The following CNTN4 variants were observed in gnomAD, a reference collection of about 807,000 sequenced individuals.
The protein encoded by CNTN4 is contactin 4, also known as contactin-4.
CNTN4 carries 77 observed loss-of-function variants against 122.5 expected under a neutral mutation model. The observed-to-expected ratio is 0.63, with a 90% CI of 0.52 to 0.76. CNTN4 has a LOEUF of 0.76. Ranked by LOEUF, CNTN4 falls within the 30% of genes least tolerant of loss-of-function variation. The pLI, the probability that CNTN4 is intolerant of heterozygous loss-of-function variation, is 0.00. For missense variants in CNTN4, 1,256 were observed against 1,259.1 expected (o/e 1.00, Z 0.04); for synonymous variants, 512 against 447.0 (o/e 1.15, Z -1.83).
chr3:2,279,670 T>C (rs1409874943), intron 2 of CNTN4, among the ~76,000 whole-genome samples: 1 of 152,266 alleles, frequency 6.6e-6, no homozygotes, highest in South Asian at 2.1e-4. Context: ...TTGCCTGTTT[T>C]TGTAACCCAA....
intron 2 of CNTN4, among the ~76,000 whole-genome samples, chr3:2,176,155 C>G (rs1037614705): frequency 1.3e-5 from 2 of 152,268 alleles, no homozygotes; most frequent in African/African-American, 2.4e-5. Context: ...CATGCATTAA[C>G]TATGTAGCCA....
chr3:3,002,482 T>C (rs900752706), intron 14 of CNTN4, among the ~76,000 whole-genome samples: 3 of 152,188 alleles, frequency 2.0e-5, no homozygotes, highest in Non-Finnish European at 2.9e-5. Flanking sequence ...GGTAACATCC[T>C]GAGTTATAAG....
At chr3:2,799,029 A>G (rs1576836424) in intron 6 of CNTN4, among the ~76,000 whole-genome samples, 1 of 152,336 alleles carries the variant, frequency 6.6e-6, no homozygotes, top group African/African-American at 2.4e-5. Context: ...CATAGTAGTC[A>G]TTCTGACTGG....
chr3:2,939,289 T>C (rs927108984), intron 13 of CNTN4, among the ~76,000 whole-genome samples: 2 of 152,096 alleles, frequency 1.3e-5, no homozygotes, highest in Non-Finnish European at 2.9e-5. Flanking sequence ...AGAGGGTACA[T>C]ATAGTAGAAT....
intron 2 of CNTN4, among the ~76,000 whole-genome samples, chr3:2,152,331 C>T (rs2035528899): frequency 6.6e-6 from 1 of 152,198 alleles, no homozygotes; most frequent in Non-Finnish European, 1.5e-5. Flanking sequence ...GAGGTGGCAT[C>T]AGGCCAGTCT....
intron 2 of CNTN4, among the ~76,000 whole-genome samples, chr3:2,225,929 A>C (rs2149517406): frequency 6.6e-6 from 1 of 152,292 alleles, no homozygotes; most frequent in African/African-American, 2.4e-5. Flanking sequence ...TGGATTCTGC[A>C]CTATAGCTTT....
chr3:2,669,985 C>A (rs2084407197), intron 4 of CNTN4, among the ~76,000 whole-genome samples: 1 of 152,168 alleles, frequency 6.6e-6, no homozygotes, highest in Admixed American at 6.5e-5. Flanking sequence ...TGTTCTTTTA[C>A]ATTTGCTGAG....
intron 13 of CNTN4, among the ~76,000 whole-genome samples, chr3:2,932,035 G>A (rs556239674): frequency 5.9e-5 from 9 of 151,634 alleles, no homozygotes; most frequent in African/African-American, 1.2e-4. Context: ...CTGCATGTGC[G>A]TGCATGTGTG....
intron 7 of CNTN4, among the ~76,000 whole-genome samples, chr3:2,828,352 G>C (rs1367798151): frequency 6.6e-6 from 1 of 152,112 alleles, no homozygotes. Flanking sequence ...AGCCACAGGT[G>C]TCCAGTAGGT....
At chr3:2,716,318 A>G (rs1190321427) in intron 4 of CNTN4, among the ~76,000 whole-genome samples, 9 of 151,290 alleles carry the variant, frequency 5.9e-5, no homozygotes, top group Non-Finnish European at 1.0e-4. Flanking sequence ...ATTATTGTAT[A>G]TTATATGATA....
intron 3 of CNTN4, among the ~76,000 whole-genome samples, chr3:2,353,991 A>G (rs1034276278): frequency 6.6e-6 from 1 of 152,214 alleles, no homozygotes; most frequent in African/African-American, 2.4e-5. Context: ...TAGAGCACAT[A>G]TGAAATACTA....
At chr3:2,400,426 T>TATATAC (rs1399892591) in intron 3 of CNTN4, among the ~76,000 whole-genome samples, 1 of 71,248 alleles carries the variant, frequency 1.4e-5, no homozygotes, top group African/African-American at 4.7e-5. Context: ...TATATATATA[T>TATATAC]ACATATATAT....
At chr3:2,361,977 G>T (rs2150551847) in intron 3 of CNTN4, among the ~76,000 whole-genome samples, 1 of 152,300 alleles carries the variant, frequency 6.6e-6, no homozygotes, top group Non-Finnish European at 1.5e-5. Flanking sequence ...AGAAAGACCT[G>T]AGTTGGAGGG....
chr3:2,283,595 G>A (rs1329866918), intron 2 of CNTN4, among the ~76,000 whole-genome samples: 2 of 152,132 alleles, frequency 1.3e-5, no homozygotes. Context: ...CATAAGAGAG[G>A]TTCCCTTTAA....
intron 3 of CNTN4, among the ~76,000 whole-genome samples, chr3:2,467,498 C>T (rs2075545024): frequency 6.6e-6 from 1 of 152,084 alleles, no homozygotes; most frequent in East Asian, 1.9e-4. Flanking sequence ...AGACATGAGC[C>T]TGTATCTCAG....
chr3:2,564,464 A>G (rs2079075368), intron 3 of CNTN4, among the ~76,000 whole-genome samples: 1 of 152,184 alleles, frequency 6.6e-6, no homozygotes, highest in Admixed American at 6.5e-5. Context: ...AAATGGCTCT[A>G]GGGATGACAA....
chr3:2,641,633 T>C (rs75934246), intron 4 of CNTN4, among the ~76,000 whole-genome samples: 252 of 152,312 alleles, frequency 1.7e-3, no homozygotes, highest in African/African-American at 5.6e-3. Flanking sequence ...GACCCTAGTC[T>C]ACATTCCTGG....
At chr3:2,117,736 T>C (rs904734731) in intron 2 of CNTN4, among the ~76,000 whole-genome samples, 2 of 152,200 alleles carry the variant, frequency 1.3e-5, no homozygotes, top group African/African-American at 4.8e-5. Flanking sequence ...TACCACTTCA[T>C]GGGCTAATGG....
chr3:2,594,918 G>C lies in CNTN4; in HGVS notation c.55+23360G>C, dbSNP rs532174306. ...TGCCTCTGATCCCAATCTATTAGTG[G>C]AAAGAAGTGAGATTCAACCATAATT... On this transcript the variant is annotated intron_variant, in intron 4 of 24. Transcript: ENST00000418658. Among the ~76,000 whole-genome samples the C allele has an allele frequency of 1.9e-4, 29 of 152,206 alleles. 1 individual carries two copies. The highest frequency in any genetic ancestry group is 1.1e-3 in the Admixed American group (17 of 15,282).
Sources: allele counts gnomAD v4.1 joint callset (sites outside exome capture counted in the v4.1 genomes callset), GRCh38; gene constraint gnomAD v4.1.1; transcripts MANE v1.5; gene names NCBI Gene and HGNC (gene_info 2026-07-23, HGNC 2026-07-21).